Variants in TSPAN18 observed in about 807,000 individuals in gnomAD.
The protein encoded by TSPAN18 is tetraspanin 18.
In TSPAN18, 14 loss-of-function variants were observed where a neutral mutation model predicts 27.3. The observed-to-expected ratio is 0.51, with a 90% CI of 0.34 to 0.80. TSPAN18 has a LOEUF of 0.80. Among genes scored for constraint, TSPAN18 ranks in the 30% least tolerant of loss-of-function variants. TSPAN18 has a pLI of 0.01. For synonymous variants in TSPAN18, 143 were observed against 136.5 expected (o/e 1.05, Z -0.33); for missense variants, 268 against 323.9 (o/e 0.83, Z 1.32).
intron 2 of TSPAN18, among the ~76,000 whole-genome samples, chr11:44,778,165 G>A (rs925583292): frequency 6.6e-6 from 1 of 152,098 alleles, no homozygotes; most frequent in Non-Finnish European, 1.5e-5. Flanking sequence ...TAGTTCTGAG[G>A]TGGGGAAGGA....
chr11:44,866,809 C>G (rs1249610307), intron 3 of TSPAN18, among the ~76,000 whole-genome samples: 1 of 152,238 alleles, frequency 6.6e-6, no homozygotes, highest in African/African-American at 2.4e-5. Context: ...TAGACCCAGC[C>G]ATTTTCTGAC....
At chr11:44,786,098 G>A (rs890097457) in intron 2 of TSPAN18, among the ~76,000 whole-genome samples, 1 of 152,238 alleles carries the variant, frequency 6.6e-6, no homozygotes, top group African/African-American at 2.4e-5. Context: ...GTGAGATGAG[G>A]GCACCAAGTG....
chr11:44,749,731 G>T (rs562766818), intron 1 of TSPAN18, among the ~76,000 whole-genome samples: 83 of 149,698 alleles, frequency 5.5e-4, no homozygotes, highest in African/African-American at 1.9e-3. Flanking sequence ...CTGCCTCCCG[G>T]GTTCACACCA....
chr11:44,816,867 TCTC>T (rs1222457601), intron 2 of TSPAN18, among the ~76,000 whole-genome samples: 1 of 151,862 alleles, frequency 6.6e-6, no homozygotes, highest in Non-Finnish European at 1.5e-5. Flanking sequence ...GCTGTCTGCC[TCTC>T]CTCTTCCTCC....
At chr11:44,803,015 A>G (rs1422393448) in intron 2 of TSPAN18, among the ~76,000 whole-genome samples, 2 of 152,108 alleles carry the variant, frequency 1.3e-5, no homozygotes, top group Non-Finnish European at 2.9e-5. Context: ...CTCACTACCC[A>G]TTGATTGAGG....
At chr11:44,810,527 T>A (rs1040249798) in intron 2 of TSPAN18, among the ~76,000 whole-genome samples, 4 of 152,236 alleles carry the variant, frequency 2.6e-5, no homozygotes, top group African/African-American at 9.6e-5. Flanking sequence ...ATTCATCTGT[T>A]GATGAATATT....
chr11:44,829,814 G>C (rs1170404394), intron 2 of TSPAN18, among the ~76,000 whole-genome samples: 2 of 152,154 alleles, frequency 1.3e-5, no homozygotes, highest in Admixed American at 1.3e-4. Flanking sequence ...ATGAATAAGA[G>C]TCACATCCAT....
At chr11:44,836,188 G>A (rs867015028) in intron 2 of TSPAN18, among the ~76,000 whole-genome samples, 1 of 152,344 alleles carries the variant, frequency 6.6e-6, no homozygotes, top group African/African-American at 2.4e-5. Flanking sequence ...CAGGCCGAAA[G>A]CTAGGCTTCT....
intron 4 of TSPAN18, among the ~76,000 whole-genome samples, chr11:44,908,810 A>AGAAG (rs1564993114): frequency 8.6e-6 from 1 of 116,420 alleles, no homozygotes; most frequent in Admixed American, 8.7e-5. Context: ...AAAGAAAGAA[A>AGAAG]GAAAGAAAGA....
chr11:44,928,275 T>C (rs1305717320), intron 9 of TSPAN18, among the ~76,000 whole-genome samples: 1 of 152,240 alleles, frequency 6.6e-6, no homozygotes, highest in East Asian at 1.9e-4. Context: ...GCAGTCCTGG[T>C]AACCTTTTAC....
chr11:44,800,877 G>A (rs1856465434), intron 2 of TSPAN18, among the ~76,000 whole-genome samples: 1 of 152,110 alleles, frequency 6.6e-6, no homozygotes, highest in Non-Finnish European at 1.5e-5. Context: ...CTGGGAAAAG[G>A]CCAAGAGGAC....
At chr11:44,773,839 T>C (rs1855744645) in intron 2 of TSPAN18, among the ~76,000 whole-genome samples, 1 of 152,166 alleles carries the variant, frequency 6.6e-6, no homozygotes, top group Non-Finnish European at 1.5e-5. Flanking sequence ...AAGTATTTGG[T>C]TGCAGTTCGT....
At chr11:44,767,213 G>A (rs536513155) in intron 2 of TSPAN18, among the ~76,000 whole-genome samples, 62 of 152,318 alleles carry the variant, frequency 4.1e-4, no homozygotes, top group African/African-American at 1.5e-3. Context: ...AGTATGAGCA[G>A]TTCATCCCAA....
At chr11:44,894,430 G>C (rs907237725) in intron 3 of TSPAN18, among the ~76,000 whole-genome samples, 1 of 152,304 alleles carries the variant, frequency 6.6e-6, no homozygotes, top group Non-Finnish European at 1.5e-5. Context: ...TCTCTTGTCC[G>C]GCCGCCTCCT....
At chr11:44,927,650 C>T (rs1349905318) in intron 9 of TSPAN18, among the ~76,000 whole-genome samples, 2 of 152,140 alleles carry the variant, frequency 1.3e-5, no homozygotes, top group African/African-American at 4.8e-5. Context: ...CCCTATTCTT[C>T]GCCAGCACTG....
chr11:44,869,746 C>T (rs989750748), intron 3 of TSPAN18, among the ~76,000 whole-genome samples: 4 of 152,232 alleles, frequency 2.6e-5, no homozygotes, highest in Non-Finnish European at 4.4e-5. Flanking sequence ...TGTTCAAAGG[C>T]TTCTAGGAGG....
chr11:44,755,748 T>A lies in TSPAN18; in HGVS notation c.-239-8678T>A, dbSNP rs548019870. Among the ~76,000 whole-genome samples the A allele has an allele frequency of 1.1e-4, 16 of 152,290 alleles. No homozygotes were observed. The East Asian group carries it at 2.7e-3, about 26-fold the overall frequency. On this transcript the variant is annotated intron_variant, in intron 1 of 9. Transcript: ENST00000520358. ...CCAGCCTGGATCCTGTGGCCTGGCATCGGCTTGGGAGACGAGGTCTGAGGC... is the reference window on the plus strand; with the variant it reads ...CCAGCCTGGATCCTGTGGCCTGGCAACGGCTTGGGAGACGAGGTCTGAGGC...
At chr11:44,907,467 A>G (rs1027927711) in intron 4 of TSPAN18, among the ~76,000 whole-genome samples, 5 of 152,020 alleles carry the variant, frequency 3.3e-5, no homozygotes, top group African/African-American at 9.7e-5. Flanking sequence ...CTCTACCTCT[A>G]TATCTTTGTG....
chr11:44,836,213 A>C (rs1857260923), intron 2 of TSPAN18, among the ~76,000 whole-genome samples: 1 of 152,214 alleles, frequency 6.6e-6, no homozygotes, highest in Admixed American at 6.5e-5. Flanking sequence ...CTAGTTAACT[A>C]AGTTGTGAAT....
Sources: allele counts gnomAD v4.1 joint callset (sites outside exome capture counted in the v4.1 genomes callset), GRCh38; gene constraint gnomAD v4.1.1; transcripts MANE v1.5; gene names NCBI Gene and HGNC (gene_info 2026-07-23, HGNC 2026-07-21).